Variants in PTPRD observed in about 807,000 individuals in gnomAD.
PTPRD encodes protein tyrosine phosphatase receptor type D, also known as receptor-type tyrosine-protein phosphatase delta.
Under a neutral mutation model 214.5 loss-of-function variants are expected in PTPRD, and 34 were observed. The observed-to-expected ratio is 0.16, with a 90% confidence interval of 0.12 to 0.21. The LOEUF (loss-of-function observed/expected upper bound fraction) is 0.21, where lower values mean the gene tolerates loss of function less well. PTPRD is among the 10% of genes least tolerant of loss of function. The pLI, the probability that PTPRD is intolerant of heterozygous loss-of-function variation, is 1.00. For missense variants in PTPRD, 2,545 were observed against 2,398.7 expected, an observed-to-expected ratio of 1.06 and a Z score of -1.27; for synonymous variants, 1,128 against 845.7, an observed-to-expected ratio of 1.33 and a Z score of -5.79.
At chr9:8,809,294 A>T (rs1168447255) in intron 11 of PTPRD, among the ~76,000 whole-genome samples, 1 of 152,190 alleles carries the variant, frequency 6.6e-6, no homozygotes. Flanking sequence ...ACCAAAAAAA[A>T]GTGCTTCCAA....
At chr9:9,135,135 T>C (rs904656152) in intron 10 of PTPRD, among the ~76,000 whole-genome samples, 1 of 152,182 alleles carries the variant, frequency 6.6e-6, no homozygotes, top group African/African-American at 2.4e-5. Context: ...ATTATAACTT[T>C]ACCTAAGTTT....
At chr9:9,840,725 T>C (rs568230047) in intron 5 of PTPRD, among the ~76,000 whole-genome samples, 1 of 116,026 alleles carries the variant, frequency 8.6e-6, no homozygotes, top group Non-Finnish European at 1.6e-5. Flanking sequence ...ATGGCACCAC[T>C]GCACTCCAGC....
At chr9:10,535,203 G>C (rs1022901402) in intron 2 of PTPRD, among the ~76,000 whole-genome samples, 12 of 152,020 alleles carry the variant, frequency 7.9e-5, no homozygotes, top group African/African-American at 2.7e-4. Context: ...CCACTCTGTA[G>C]CAGATTGCTG....
intron 8 of PTPRD, among the ~76,000 whole-genome samples, chr9:9,459,368 G>T (rs1766745689): frequency 6.6e-6 from 1 of 152,082 alleles, no homozygotes; most frequent in South Asian, 2.1e-4. Context: ...TCTGGCTAGA[G>T]AAAGAAATAA....
At chr9:9,657,834 C>A (rs1345168364) in intron 7 of PTPRD, among the ~76,000 whole-genome samples, 1 of 152,098 alleles carries the variant, frequency 6.6e-6, no homozygotes, top group South Asian at 2.1e-4. Context: ...TAGAGTAACA[C>A]AAATGGACAA....
chr9:9,968,704 C>G (rs1003802285), intron 4 of PTPRD, among the ~76,000 whole-genome samples: 3 of 151,944 alleles, frequency 2.0e-5, no homozygotes, highest in Non-Finnish European at 4.4e-5. Context: ...CTCTTCCACT[C>G]CTACAAAAAA....
Position 9,294,375 on chromosome 9 carries a change from T to A in PTPRD, c.-203+103074A>T, listed in dbSNP as rs867577561. ...AATATCTGTATTAGGCTAATATGAG[T>A]TCATACTCAAGAAAGTAACTTTTAT... is the stretch of plus-strand genomic sequence containing the variant. On this transcript the variant is annotated intron_variant, in intron 9 of 45. Transcript: ENST00000381196. Among the ~76,000 whole-genome samples, 32 of 151,804 alleles carry A rather than the reference T, an allele frequency of 2.1e-4. 1 individual carries two copies. Among genetic ancestry groups the A allele is most frequent in the Middle Eastern group, 3.4e-3 (1 of 294 alleles).
intron 12 of PTPRD, among the ~76,000 whole-genome samples, chr9:8,660,831 C>A (rs1048608305): frequency 2.0e-5 from 3 of 152,138 alleles, no homozygotes; most frequent in African/African-American, 7.2e-5. Context: ...CTTCCATCAA[C>A]TTACAGGACC....
At chr9:10,117,171 C>G (rs4741010) in intron 3 of PTPRD, among the ~76,000 whole-genome samples, 29,243 of 151,866 alleles carry the variant, frequency 0.19, 2,939 homozygotes, top group South Asian at 0.34. Context: ...AACATTTGTG[C>G]AACAAAAGAA....
At chr9:10,009,227 T>C (rs760623048) in intron 4 of PTPRD, among the ~76,000 whole-genome samples, 7 of 151,996 alleles carry the variant, frequency 4.6e-5, no homozygotes, top group Non-Finnish European at 1.0e-4. Context: ...CTCTGTGATA[T>C]ATTTAAAAAG....
intron 11 of PTPRD, among the ~76,000 whole-genome samples, chr9:8,933,157 G>A (rs866711719): frequency 1.3e-4 from 20 of 152,064 alleles, no homozygotes; most frequent in Middle Eastern, 6.8e-3. Flanking sequence ...TGGGTGAGGT[G>A]ACGCCCCACC....
chr9:8,536,340 T>C (rs2076923052), intron 14 of PTPRD, among the ~76,000 whole-genome samples: 8 of 151,970 alleles, frequency 5.3e-5, no homozygotes, highest in Admixed American at 5.3e-4. Context: ...GATACGCAAG[T>C]TCCATGAGAT....
chr9:9,261,340 A>G (rs1416343136), intron 9 of PTPRD, among the ~76,000 whole-genome samples: 1 of 151,830 alleles, frequency 6.6e-6, no homozygotes, highest in Non-Finnish European at 1.5e-5. Flanking sequence ...CAAAGGATCT[A>G]ATTTCTTTTA....
intron 3 of PTPRD, among the ~76,000 whole-genome samples, chr9:10,320,555 T>C (rs568499144): frequency 1.5e-3 from 221 of 152,152 alleles, no homozygotes; most frequent in African/African-American, 3.8e-3. Flanking sequence ...TAGGTTATTA[T>C]TACCCAAAGA....
At chr9:9,165,098 T>TA (rs2099900147) in intron 10 of PTPRD, among the ~76,000 whole-genome samples, 3 of 152,030 alleles carry the variant, frequency 2.0e-5, no homozygotes, top group South Asian at 2.1e-4. Flanking sequence ...GGTTTCTTTT[T>TA]AAAAAAATTC....
chr9:9,208,019 G>GATTTTTTTTTTTTTTTTTTTT (rs1569562243), intron 9 of PTPRD, among the ~76,000 whole-genome samples: 1 of 26,040 alleles, frequency 3.8e-5, no homozygotes, highest in Non-Finnish European at 8.9e-5. Context: ...ATATATATCT[G>GATTTTTTTTTTTTTTTTTTTT]CTTTTTTTTT....
chr9:9,384,626 C>T (rs10977703), intron 9 of PTPRD, among the ~76,000 whole-genome samples: 35,477 of 151,506 alleles, frequency 0.23, 4,223 homozygotes, highest in Middle Eastern at 0.37. Flanking sequence ...CATTTAAAAA[C>T]TGATTGCTTT....
intron 9 of PTPRD, among the ~76,000 whole-genome samples, chr9:9,367,700 C>CA (rs890042184): frequency 2.0e-5 from 3 of 151,388 alleles, no homozygotes; most frequent in Non-Finnish European, 3.0e-5. Flanking sequence ...CGTGTTCGGA[C>CA]AAAAAAATAG....
chr9:9,176,458 A>T (rs866258143), intron 10 of PTPRD, among the ~76,000 whole-genome samples: 2 of 152,136 alleles, frequency 1.3e-5, no homozygotes, highest in Admixed American at 6.5e-5. Context: ...TTATTAGGTA[A>T]TTTCCAACTT....
Sources: allele counts gnomAD v4.1 joint callset (sites outside exome capture counted in the v4.1 genomes callset), GRCh38; gene constraint gnomAD v4.1.1; transcripts MANE v1.5; gene names NCBI Gene and HGNC (gene_info 2026-07-23, HGNC 2026-07-21).